ZDHHC14: variants seen among roughly 807,000 people sequenced by gnomAD.
ZDHHC14 encodes the protein zDHHC palmitoyltransferase 14.
In ZDHHC14, 16 loss-of-function variants were observed where a neutral mutation model predicts 47.7. The ratio of observed to expected loss-of-function variants is 0.34; its 90% confidence interval spans 0.23 to 0.51. The LOEUF (loss-of-function observed/expected upper bound fraction) is 0.51, where lower values mean the gene tolerates loss of function less well. Ranked by LOEUF, ZDHHC14 falls within the 20% of genes least tolerant of loss-of-function variation. The probability of loss-of-function intolerance (pLI) is 0.97; values close to 1 mark genes in which losing one functional copy is unlikely to be tolerated. For missense variants in ZDHHC14, 515 were observed against 662.5 expected (o/e 0.78, Z 2.44); for synonymous variants, 293 against 278.9 (o/e 1.05, Z -0.50).
chr6:157,453,788 T>TTTTTTTTTTTTTTTTTTTTGTG (rs3220439), intron 1 of ZDHHC14, among the ~76,000 whole-genome samples: 2 of 148,098 alleles, frequency 1.4e-5, no homozygotes, highest in African/African-American at 5.1e-5. Context: ...TTTTTGTGTT[T>TTTTTTTTTTTTTTTTTTTTGTG]TGTGTGTGTG....
At chr6:157,468,464 G>A (rs1003822572) in intron 1 of ZDHHC14, among the ~76,000 whole-genome samples, 1 of 152,166 alleles carries the variant, frequency 6.6e-6, no homozygotes, top group African/African-American at 2.4e-5. Context: ...AAGATACAGT[G>A]CCTGTCCAGT....
intron 1 of ZDHHC14, among the ~76,000 whole-genome samples, chr6:157,461,302 G>C (rs1341696235): frequency 6.6e-6 from 1 of 152,224 alleles, no homozygotes; most frequent in Non-Finnish European, 1.5e-5. Context: ...TGTGGGCAAA[G>C]TCTCGTGCCC....
At chr6:157,458,653 C>T (rs1778985382) in intron 1 of ZDHHC14, among the ~76,000 whole-genome samples, 1 of 151,962 alleles carries the variant, frequency 6.6e-6, no homozygotes, top group Non-Finnish European at 1.5e-5. Flanking sequence ...GATCAAGGAC[C>T]TGGCATGGTC....
chr6:157,498,499 G>A (rs1013152313), intron 1 of ZDHHC14, among the ~76,000 whole-genome samples: 6 of 152,090 alleles, frequency 3.9e-5, no homozygotes, highest in African/African-American at 9.7e-5. Flanking sequence ...TCTTTCAGCC[G>A]GTATTTGGAG....
At chr6:157,417,953 C>CA (rs5881210) in intron 1 of ZDHHC14, among the ~76,000 whole-genome samples, 996 of 76,630 alleles carry the variant, frequency 0.013, 8 homozygotes, top group African/African-American at 0.03. Flanking sequence ...GAGTCCATCT[C>CA]AAAAAAAAAA....
chr6:157,606,880 A>G (rs772589974), intron 3 of ZDHHC14, among the ~76,000 whole-genome samples: 4 of 152,262 alleles, frequency 2.6e-5, no homozygotes, highest in Non-Finnish European at 4.4e-5. Context: ...TATTTCCTTT[A>G]ATGAATATGG....
intron 2 of ZDHHC14, among the ~76,000 whole-genome samples, chr6:157,549,142 A>C (rs1453505994): frequency 6.6e-6 from 1 of 152,192 alleles, no homozygotes; most frequent in Non-Finnish European, 1.5e-5. Flanking sequence ...CTGCCTGAGG[A>C]GCCAGGCCCT....
At chr6:157,470,055 C>T (rs1779317721) in intron 1 of ZDHHC14, among the ~76,000 whole-genome samples, 1 of 152,162 alleles carries the variant, frequency 6.6e-6, no homozygotes, top group Admixed American at 6.5e-5. Context: ...ATTCCATGAG[C>T]CTGGCACAGC....
At chr6:157,409,911 C>T (rs1036068950) in intron 1 of ZDHHC14, among the ~76,000 whole-genome samples, 1 of 152,074 alleles carries the variant, frequency 6.6e-6, no homozygotes, top group African/African-American at 2.4e-5. Flanking sequence ...TCACTGCAAC[C>T]TCTGCCTCCC....
chr6:157,549,455 C>G (rs190821293), intron 2 of ZDHHC14, among the ~76,000 whole-genome samples: 89 of 152,234 alleles, frequency 5.8e-4, no homozygotes, highest in African/African-American at 2.0e-3. Flanking sequence ...TGGGGGAGTC[C>G]CATCGTGCCG....
chr6:157,592,933 C>T, intron 2 of ZDHHC14, 55 bp from the exon 3 acceptor site: 1 of 1,543,626 alleles, frequency 6.5e-7, no homozygotes, highest in Middle Eastern at 1.8e-4. Context: ...ACGGGTCCCG[C>T]CGAGGCAGAG....
chr6:157,439,826 G>T (rs145498357), intron 1 of ZDHHC14, among the ~76,000 whole-genome samples: 425 of 152,314 alleles, frequency 2.8e-3, no homozygotes, highest in African/African-American at 9.6e-3. Context: ...ATACTATGCT[G>T]CTGTAAAAGC....
At chr6:157,513,266 T>C (rs959788728) in intron 1 of ZDHHC14, among the ~76,000 whole-genome samples, 8 of 152,210 alleles carry the variant, frequency 5.3e-5, no homozygotes, top group African/African-American at 1.9e-4. Flanking sequence ...CCTCTTAGTG[T>C]CATTAGCTTT....
intron 2 of ZDHHC14, among the ~76,000 whole-genome samples, chr6:157,568,507 A>G (rs1351168018): frequency 6.6e-6 from 1 of 152,086 alleles, no homozygotes; most frequent in Non-Finnish European, 1.5e-5. Context: ...GGTGTGTAGT[A>G]ATCCACTGTA....
chr6:157,422,807 A>G (rs1320463202), intron 1 of ZDHHC14, among the ~76,000 whole-genome samples: 1 of 152,018 alleles, frequency 6.6e-6, no homozygotes, highest in East Asian at 1.9e-4. Context: ...TAAATTTTGT[A>G]CCTTTTTATT....
At chr6:157,409,890 G>A (rs892831049) in intron 1 of ZDHHC14, among the ~76,000 whole-genome samples, 3 of 151,912 alleles carry the variant, frequency 2.0e-5, no homozygotes, top group Non-Finnish European at 4.4e-5. Flanking sequence ...GTGCAGTGGC[G>A]CGATCTCGGC....
rs867674131 is a variant in ZDHHC14 at position 157,442,444 on chromosome 6, C to T, written c.245+60178C>T. Among the ~76,000 whole-genome samples the T allele has an allele frequency of 2.1e-4, 32 of 152,292 alleles. 1 individual carries two copies. Among genetic ancestry groups the T allele is most frequent in the Middle Eastern group, 3.4e-3 (1 of 294 alleles). On this transcript the variant is annotated intron_variant, in intron 1 of 8. Transcript: ENST00000359775. ...TACATTCATGAAGTAGGAACTATGG[C>T]TGTTACTACAGAATTGCTTTGGTAA...
chr6:157,501,509 T>A (rs1780192414), intron 1 of ZDHHC14, among the ~76,000 whole-genome samples: 2 of 152,258 alleles, frequency 1.3e-5, no homozygotes, highest in African/African-American at 4.8e-5. Context: ...GATATTTTCA[T>A]AACACTGAAA....
chr6:157,521,434 G>A (rs148342876), intron 1 of ZDHHC14, among the ~76,000 whole-genome samples: 110 of 152,332 alleles, frequency 7.2e-4, no homozygotes, highest in African/African-American at 2.4e-3. Flanking sequence ...GCCGTGGGTA[G>A]CTCACATACA....
Sources: allele counts gnomAD v4.1 joint callset (sites outside exome capture counted in the v4.1 genomes callset), GRCh38; gene constraint gnomAD v4.1.1; transcripts MANE v1.5; gene names NCBI Gene and HGNC (gene_info 2026-07-23, HGNC 2026-07-21).